GPR107: variants seen among roughly 807,000 people sequenced by gnomAD.
GPR107 encodes the protein G protein-coupled receptor 107.
GPR107 carries 31 observed loss-of-function variants against 75.5 expected under a neutral mutation model. That is an observed-to-expected ratio of 0.41 (90% CI 0.31 to 0.55). The LOEUF is 0.55. GPR107 is among the 20% of genes least tolerant of loss of function. The pLI is 0.26. For missense variants in GPR107, 572 were observed against 665.7 expected (o/e 0.86, Z 1.55); for synonymous variants, 267 against 251.3 (o/e 1.06, Z -0.59).
chr9:130,060,063 C>T (rs1006770144), intron 1 of GPR107, among the ~76,000 whole-genome samples: 8 of 150,352 alleles, frequency 5.3e-5, no homozygotes, highest in African/African-American at 1.7e-4. Context: ...AGTTTTATTT[C>T]GGGGGGAGGT....
rs139103951 is a variant in GPR107, at chr9:130,135,116, G to A, written c.1654G>A (p.Val552Met). The change falls in exon 18 of 18, where the codon GTG (valine) becomes ATG (methionine). Residue 552 changes from valine (V) to methionine (M), a missense_variant. Val to Met is a conservative substitution (Grantham distance 21). Coordinates refer to ENST00000347136, the MANE Select transcript of GPR107 (RefSeq NM_020960.5). ...VEPQGEWEGA[V>M] The stretch of plus-strand genomic sequence containing the variant: ...GCCCCAGGGCGAGTGGGAAGGCGCC[G>A]TGTGACAGAGCCGACCCTGAGGATG... 1,187 of 1,584,934 alleles carry A rather than the reference G, an allele frequency of 7.5e-4. 2 individuals are homozygous for A. The highest frequency in any genetic ancestry group is 1.8e-3 in the Middle Eastern group (11 of 5,998).
Position 130,083,590 on chromosome 9 carries a change from A to G in GPR107, c.552A>G (p.Thr184=). Residue 184 remains threonine, a synonymous_variant, in exon 6 of 18, where the codon ACA becomes ACG. Transcript: ENST00000347136. ...ATGGTGGAAAGTCTAAAAGAAGTAC[A>G]GTGGATTCAAAGGTAAGAACTAACC... is the stretch of plus-strand genomic sequence containing the variant. ...TQDGGKSKRS[T]VDSKAMGEKS... The G allele has an allele frequency of 1.3e-6, 2 of 1,528,942 alleles. No individual in the cohort carries two copies. Among genetic ancestry groups the G allele is most frequent in the Non-Finnish European group, 1.7e-6 (2 of 1,147,274 alleles). 94.7% of individuals were successfully genotyped at this position (1,528,942 alleles called of 1,614,324 possible).
chr9:130,128,979 G>A (rs1394666692), intron 17 of GPR107: 1 of 464,426 alleles, frequency 2.2e-6, no homozygotes, highest in African/African-American at 2.0e-5. Flanking sequence ...AGGGAAGATG[G>A]AACTTGCCGT....
At chr9:130,063,409 C>G (rs1829980557) in intron 1 of GPR107, among the ~76,000 whole-genome samples, 1 of 152,354 alleles carries the variant, frequency 6.6e-6, no homozygotes, top group Admixed American at 6.5e-5. Flanking sequence ...CCAGGATGGT[C>G]TCAATCTCCT....
In GPR107 at chr9:130,062,652, GCCTGCCTGCCTTCCTTCCTTCCTT is replaced by G. The variant is rs1222356517; in HGVS notation, c.141+8583_141+8606del. Among the ~76,000 whole-genome samples the G allele has an allele frequency of 7.1e-3, 783 of 110,970 alleles. 10 individuals carry two copies. The highest frequency in any genetic ancestry group is 0.023 in the African/African-American group (708 of 31,366). The allele number at this position is 110,970 out of a possible 152,430, so 72.8% of individuals were successfully genotyped here. Reference sequence around the variant, plus strand: ...TGCCTTCCTGCCTGCCTGCCTGCCTGCCTGCCTGCCTTCCTTCCTTCCTTCCTTCCTTCCTTCCTTCCTTCCTTC... The same window carrying G: ...TGCCTTCCTGCCTGCCTGCCTGCCTGCCTTCCTTCCTTCCTTCCTTCCTTC... On this transcript the variant is annotated intron_variant, in intron 1 of 17. Coordinates refer to ENST00000347136, the MANE Select transcript of GPR107 (RefSeq NM_020960.5).
rs145733915 is a variant in GPR107 at position 130,113,570 on chromosome 9, G to A, written c.1306+6031G>A. The stretch of plus-strand genomic sequence containing the variant: ...TATAAGACTTATGATGTAAGCAGAG[G>A]TGATACTAACAATGTGATTTTTTTA... On this transcript the variant is annotated intron_variant, in intron 14 of 17. Transcript: ENST00000347136. 6.6e-5 allele frequency among the ~76,000 whole-genome samples: 10 copies of A among 152,254 alleles called. No individual in the cohort carries two copies. The East Asian group carries it at 1.9e-3, about 29-fold the overall frequency.
At chr9:130,118,351 T>C (rs1252649828) in intron 14 of GPR107, among the ~76,000 whole-genome samples, 1 of 152,134 alleles carries the variant, frequency 6.6e-6, no homozygotes, top group Non-Finnish European at 1.5e-5. Context: ...TTGCTGGCCT[T>C]CTTAGTTCCT....
Position 130,135,249 on chromosome 9 carries a change from T to C in GPR107, c.*128T>C, listed in dbSNP as rs1271514082. ...CGACAGTGACACCAGGGCACATGGC[T>C]GGAGCACAGTGCCGCGGAAACCTGA... On this transcript the variant is annotated 3_prime_UTR_variant, in exon 18 of 18. Transcript: ENST00000347136. 3 of 585,090 alleles carry C rather than the reference T, an allele frequency of 5.1e-6. No homozygotes were observed. Among genetic ancestry groups the C allele is most frequent in the Middle Eastern group, 4.4e-4 (1 of 2,292 alleles). 36.2% of individuals were successfully genotyped at this position (585,090 alleles called of 1,614,324 possible).
rs374045061 is a variant in GPR107 at position 130,128,681 on chromosome 9, G to A, written c.1482G>A (p.Thr494=). 13 of 1,611,048 alleles carry A rather than the reference G, an allele frequency of 8.1e-6. No individual in the cohort carries two copies. The highest frequency in any genetic ancestry group is 6.7e-5 in the Admixed American group (4 of 59,992). Residue 494 remains threonine, a synonymous_variant, in exon 17 of 18, where the codon ACG becomes ACA. Coordinates refer to ENST00000347136, the MANE Select transcript of GPR107 (RefSeq NM_020960.5). ...ETATLVFFVL[T]GYKFRPASDN... is the part of the protein sequence containing the mutation. ...CCACACTGGTCTTCTTTGTTCTAACGGGGTATAAATTCCGTCCGGCTTCAG... is the reference window on the plus strand; with the variant it reads ...CCACACTGGTCTTCTTTGTTCTAACAGGGTATAAATTCCGTCCGGCTTCAG...
At chr9:130,092,408 G>A (rs1053729405) in intron 9 of GPR107, 27 bp downstream of exon 9, 47 of 1,591,966 alleles carry the variant, frequency 3.0e-5, no homozygotes, top group Non-Finnish European at 3.7e-5. Context: ...TTCAACTTAA[G>A]AGTGTGTTGA....
At position 130,135,320 on chromosome 9, in the gene GPR107, A is replaced by T; in HGVS notation, c.*199A>T. On this transcript the variant is annotated 3_prime_UTR_variant, in exon 18 of 18. Coordinates refer to ENST00000347136, the MANE Select transcript of GPR107 (RefSeq NM_020960.5). The stretch of plus-strand genomic sequence containing the variant: ...AAACGATCTGTGGCTGTTTAGAGGC[A>T]GCTGGATCCTCTTTCAGGCGGGAAT... 4 of 446,578 alleles carry T rather than the reference A, an allele frequency of 9.0e-6. No individual in the cohort carries two copies. The highest frequency in any genetic ancestry group is 3.8e-5 in the East Asian group (1 of 26,046). 27.7% of individuals were successfully genotyped at this position (446,578 alleles called of 1,614,324 possible). A position where few individuals can be genotyped will look rare whatever the true frequency, so the allele number is the denominator to read the frequency against.
At position 130,080,735 on chromosome 9, in the gene GPR107, C is replaced by T. The variant is rs1013391233; in HGVS notation, c.526+966C>T. Reference sequence around the variant, plus strand: ...CTCGATCTCCCGACCTCGTGATCCGCCCGCCTCGGCCTCCCAAAGTGCTGG... The same window carrying T: ...CTCGATCTCCCGACCTCGTGATCCGTCCGCCTCGGCCTCCCAAAGTGCTGG... On this transcript the variant is annotated intron_variant, in intron 5 of 17. Transcript: ENST00000347136. 2.0e-5 allele frequency among the ~76,000 whole-genome samples: 3 copies of T among 151,654 alleles called. No homozygotes were observed. In the South Asian group the frequency reaches 6.2e-4, roughly 31 times the overall value.
chr9:130,133,641 A>G (rs946572818), intron 17 of GPR107, among the ~76,000 whole-genome samples: 19 of 152,346 alleles, frequency 1.2e-4, no homozygotes, highest in Middle Eastern at 3.4e-3. Flanking sequence ...GGCCTGAGAC[A>G]CAAGCCAGCT....
chr9:130,121,192 C>CAAAACAA (rs1403250108), intron 14 of GPR107, among the ~76,000 whole-genome samples: 18 of 145,880 alleles, frequency 1.2e-4, no homozygotes, highest in African/African-American at 4.5e-4. Context: ...CAAAACAAAA[C>CAAAACAA]AAAACAAAAC....
intron 1 of GPR107, among the ~76,000 whole-genome samples, chr9:130,066,407 TGAC>T (rs34711126): frequency 0.9 from 137,554 of 152,024 alleles, 62,667 homozygotes; most frequent in East Asian, 0.97. Context: ...ATGGTGATGA[TGAC>T]GACGATGATG....
intron 9 of GPR107, among the ~76,000 whole-genome samples, chr9:130,096,998 C>T (rs1188999190): frequency 3.9e-5 from 6 of 152,130 alleles, no homozygotes; most frequent in African/African-American, 1.2e-4. Flanking sequence ...GATAGACACA[C>T]GCCTGGACTG....
chr9:130,056,345 G>GC (rs35541802), intron 1 of GPR107, among the ~76,000 whole-genome samples: 4 of 136 alleles, frequency 0.029, no homozygotes, highest in Middle Eastern at 0.33. Context: ...CCAGCTACTC[G>GC]GGGCTGAGGC....
chr9:130,135,345 T>C lies in GPR107; in HGVS notation c.*224T>C. On this transcript the variant is annotated 3_prime_UTR_variant, in exon 18 of 18. Transcript: ENST00000347136. ...AGCTGGATCCTCTTTCAGGCGGGAA[T>C]GGGAGGGCGGGCACAGGGAGGAGGA... is the stretch of plus-strand genomic sequence containing the variant. 1 of 415,674 alleles carries C rather than the reference T, an allele frequency of 2.4e-6. No individual in the cohort carries two copies. 25.7% of individuals were successfully genotyped at this position (415,674 alleles called of 1,614,324 possible). A position where few individuals can be genotyped will look rare whatever the true frequency, so the allele number is the denominator to read the frequency against.
intron 14 of GPR107, among the ~76,000 whole-genome samples, chr9:130,122,228 C>T (rs956493126): frequency 2.6e-5 from 4 of 152,150 alleles, no homozygotes; most frequent in African/African-American, 7.2e-5. Flanking sequence ...ATCATTTAAA[C>T]TGTCTAATTG....
Sources: allele counts gnomAD v4.1 joint callset (sites outside exome capture counted in the v4.1 genomes callset), GRCh38; gene constraint gnomAD v4.1.1; transcripts MANE v1.5; gene names NCBI Gene and HGNC (gene_info 2026-07-23, HGNC 2026-07-21).